EYS: variants seen among roughly 807,000 people sequenced by gnomAD.
EYS encodes the protein EGF-like photoreceptor maintenance factor.
A neutral mutation model predicts 282.1 loss-of-function variants in EYS; 250 were observed. The observed-to-expected ratio is 0.89, with a 90% CI of 0.80 to 0.98. The LOEUF (loss-of-function observed/expected upper bound fraction) is 0.98. Among genes scored for constraint, EYS ranks in the 50% least tolerant of loss-of-function variants. EYS has a pLI of 0.00. For missense variants in EYS, 4,016 were observed against 3,709.0 expected, an observed-to-expected ratio of 1.08 and a Z score of -2.15; for synonymous variants, 1,355 against 1,282.9, an observed-to-expected ratio of 1.06 and a Z score of -1.20.
At chr6:64,330,158 C>T (rs569107883) in intron 29 of EYS, among the ~76,000 whole-genome samples, 1 of 152,250 alleles carries the variant, frequency 6.6e-6, no homozygotes, top group Non-Finnish European at 1.5e-5. Flanking sequence ...AAGCTTCCTT[C>T]GTGTTCTGTG....
intron 36 of EYS, among the ~76,000 whole-genome samples, chr6:63,838,646 G>A (rs1156706049): frequency 6.6e-6 from 1 of 152,166 alleles, no homozygotes; most frequent in Admixed American, 6.6e-5. Context: ...CTGTAGGTGA[G>A]AGAGGAAGGC....
intron 22 of EYS, among the ~76,000 whole-genome samples, chr6:64,656,784 C>G (rs559193048): frequency 6.6e-6 from 1 of 152,154 alleles, no homozygotes; most frequent in Non-Finnish European, 1.5e-5. Flanking sequence ...AATTTCTGTT[C>G]TGCTTTGCAT....
intron 31 of EYS, among the ~76,000 whole-genome samples, chr6:64,223,954 A>G (rs1766179083): frequency 6.6e-6 from 1 of 151,986 alleles, no homozygotes; most frequent in African/African-American, 2.4e-5. Context: ...CATTTTCTTT[A>G]TTATCCATAT....
chr6:64,606,009 C>G (rs1265414079), intron 24 of EYS, among the ~76,000 whole-genome samples: 2 of 151,924 alleles, frequency 1.3e-5, no homozygotes, highest in Non-Finnish European at 2.9e-5. Context: ...TCCTCATTCT[C>G]TGAATCTGTA....
chr6:64,864,133 T>C (rs957437077), intron 19 of EYS, among the ~76,000 whole-genome samples: 1 of 152,102 alleles, frequency 6.6e-6, no homozygotes, highest in Non-Finnish European at 1.5e-5. Flanking sequence ...GTAAGTCCAA[T>C]GACTGATTAT....
At chr6:65,480,579 G>A (rs980660343) in intron 5 of EYS, among the ~76,000 whole-genome samples, 4 of 152,010 alleles carry the variant, frequency 2.6e-5, no homozygotes, top group African/African-American at 9.7e-5. Context: ...TTTCTGATAA[G>A]AAGAAAGGTG....
intron 33 of EYS, among the ~76,000 whole-genome samples, chr6:64,051,594 C>T (rs1204159406): frequency 6.6e-6 from 1 of 151,904 alleles, no homozygotes; most frequent in Admixed American, 6.6e-5. Flanking sequence ...AGTGACTTGC[C>T]CATAGTTTTT....
intron 1 of EYS, among the ~76,000 whole-genome samples, chr6:65,670,956 A>G (rs1768373115): frequency 1.3e-5 from 2 of 151,876 alleles, no homozygotes; most frequent in South Asian, 4.1e-4. Context: ...CTTTTAAAGC[A>G]CAAAGAAAGG....
chr6:64,724,445 C>A (rs1771686578), intron 22 of EYS, among the ~76,000 whole-genome samples: 1 of 152,198 alleles, frequency 6.6e-6, no homozygotes, highest in Non-Finnish European at 1.5e-5. Flanking sequence ...GGAAGTATGT[C>A]TGCCTTCATA....
intron 12 of EYS, among the ~76,000 whole-genome samples, chr6:65,139,633 G>A (rs569809359): frequency 6.6e-6 from 1 of 152,160 alleles, no homozygotes; most frequent in Non-Finnish European, 1.5e-5. Context: ...ATCTTCAAAT[G>A]TTGAGTGGGA....
rs759437693 is a variant in EYS, at chr6:65,495,179, A to G, written c.232T>C (p.Cys78Arg). ...TSGNQAVPQI[C>R]PLQIQLGDIL... ...TCTCCTAATTGAATTTGCAAAGGGCAAATCTGGGGAACAGCTTGATTGCCT... is the reference window on the plus strand; with the variant it reads ...TCTCCTAATTGAATTTGCAAAGGGCGAATCTGGGGAACAGCTTGATTGCCT... Residue 78 changes from cysteine (C) to arginine (R), a missense_variant, in exon 4 of 43, where the codon TGC (cysteine) becomes CGC (arginine). Cys to Arg is a radical substitution (Grantham distance 180). Transcript: ENST00000503581. 12 of 1,614,094 alleles carry G rather than the reference A, an allele frequency of 7.4e-6. No homozygotes were observed. The highest frequency in any genetic ancestry group is 1.7e-5 in the Admixed American group (1 of 60,022).
chr6:64,014,252 A>G (rs1768780210), intron 33 of EYS, among the ~76,000 whole-genome samples: 1 of 152,096 alleles, frequency 6.6e-6, no homozygotes, highest in Non-Finnish European at 1.5e-5. Context: ...GTGGAGATTC[A>G]CTCACATTAG....
intron 21 of EYS, among the ~76,000 whole-genome samples, chr6:64,816,756 G>A (rs900356557): frequency 1.3e-5 from 2 of 151,752 alleles, no homozygotes; most frequent in Non-Finnish European, 2.9e-5. Context: ...AGCAAGAGGG[G>A]GTCTTAAAAG....
chr6:63,837,955 A>C (rs1771851635), intron 36 of EYS, among the ~76,000 whole-genome samples: 3 of 152,154 alleles, frequency 2.0e-5, no homozygotes, highest in Admixed American at 6.6e-5. Context: ...AAGATTTTGG[A>C]TGATGAATTT....
intron 31 of EYS, among the ~76,000 whole-genome samples, chr6:64,201,286 A>G (rs1765454243): frequency 6.6e-6 from 1 of 152,100 alleles, no homozygotes; most frequent in South Asian, 2.1e-4. Flanking sequence ...ATTGTATTAT[A>G]GAGACAGAAG....
intron 22 of EYS, among the ~76,000 whole-genome samples, chr6:64,744,618 T>C (rs1772492871): frequency 6.6e-6 from 1 of 152,156 alleles, no homozygotes; most frequent in Non-Finnish European, 1.5e-5. Context: ...TAGTAAAACT[T>C]GAACTAAAAA....
chr6:64,696,159 A>G (rs749893828), intron 22 of EYS, among the ~76,000 whole-genome samples: 1 of 152,196 alleles, frequency 6.6e-6, no homozygotes, highest in Non-Finnish European at 1.5e-5. Flanking sequence ...AGAGATAGAT[A>G]TCTTTTAAAA....
At chr6:65,480,575 A>T (rs930309041) in intron 5 of EYS, among the ~76,000 whole-genome samples, 7 of 152,134 alleles carry the variant, frequency 4.6e-5, no homozygotes, top group African/African-American at 1.4e-4. Flanking sequence ...GGACTTTCTG[A>T]TAAGAAGAAA....
At position 64,579,114 on chromosome 6, in the gene EYS, G is replaced by A. The variant is rs193177499; in HGVS notation, c.5644+11109C>T. On this transcript the variant is annotated intron_variant, in intron 26 of 42. Coordinates refer to ENST00000503581, the MANE Select transcript of EYS (RefSeq NM_001142800.2). Reference sequence around the variant, plus strand: ...AGGTATGTTGGTCCTACCCATGGGCGAAAGAATGTGTCTCAGGTCTTTATT... The same window carrying A: ...AGGTATGTTGGTCCTACCCATGGGCAAAAGAATGTGTCTCAGGTCTTTATT... 2.0e-4 allele frequency among the ~76,000 whole-genome samples: 30 copies of A among 152,204 alleles called. No individual in the cohort carries two copies. The East Asian group carries it at 5.2e-3, about 27-fold the overall frequency.
Sources: gnomAD v4.1 joint callset for allele counts (sites outside exome capture counted in the v4.1 genomes callset) on GRCh38, gnomAD v4.1.1 for gene constraint, MANE v1.5 for transcripts, NCBI Gene and HGNC (gene_info 2026-07-23, HGNC 2026-07-21) for gene names.